EPHA3: variants seen among roughly 807,000 people sequenced by gnomAD.
EPHA3 encodes EPH receptor A3.
A neutral mutation model predicts 107.1 loss-of-function variants in EPHA3; 42 were observed. The observed-to-expected ratio is 0.39, with a 90% confidence interval of 0.31 to 0.51. The LOEUF is 0.51. Among genes scored for constraint, EPHA3 ranks in the 20% least tolerant of loss-of-function variants. EPHA3 has a pLI of 0.78. For missense variants in EPHA3, 1,183 were observed against 1,211.2 expected, an observed-to-expected ratio of 0.98 and a Z score of 0.35; for synonymous variants, 461 against 424.8, an observed-to-expected ratio of 1.09 and a Z score of -1.05.
intron 3 of EPHA3, among the ~76,000 whole-genome samples, chr3:89,282,274 G>A (rs898810090): frequency 1.3e-5 from 2 of 152,098 alleles, no homozygotes; most frequent in Non-Finnish European, 2.9e-5. Flanking sequence ...ACTGAGAAGT[G>A]ACATTTAAGC....
In EPHA3 at chr3:89,329,686, A is replaced by G. The variant is rs1707246855; in HGVS notation, c.815-11230A>G. 2.6e-5 allele frequency among the ~76,000 whole-genome samples: 4 copies of G among 152,140 alleles called. No homozygotes were observed. The South Asian group carries it at 8.3e-4, about 31-fold the overall frequency. ...TTATCTCTATATTTATAAATTAACC[A>G]TTTTAAAGAATGTAAACCTGTTATA... is the stretch of plus-strand genomic sequence containing the variant. On this transcript the variant is annotated intron_variant, in intron 3 of 16. Transcript: ENST00000336596.
At chr3:89,411,638 C>T (rs1203053024) in intron 9 of EPHA3, among the ~76,000 whole-genome samples, 1 of 151,852 alleles carries the variant, frequency 6.6e-6, no homozygotes, top group Non-Finnish European at 1.5e-5. Context: ...GAACATAAAT[C>T]GTAATGCATT....
At chr3:89,194,935 A>G (rs1243390130) in intron 2 of EPHA3, among the ~76,000 whole-genome samples, 1 of 152,114 alleles carries the variant, frequency 6.6e-6, no homozygotes, top group Non-Finnish European at 1.5e-5. Flanking sequence ...AATTTCGATA[A>G]TACAGTATTT....
At chr3:89,440,618 C>G (rs149709552) in intron 13 of EPHA3, among the ~76,000 whole-genome samples, 1 of 152,160 alleles carries the variant, frequency 6.6e-6, no homozygotes, top group Non-Finnish European at 1.5e-5. Flanking sequence ...CTAAATTCAT[C>G]GAGCTTAGGG....
intron 2 of EPHA3, among the ~76,000 whole-genome samples, chr3:89,173,967 A>C (rs1356223615): frequency 6.6e-6 from 1 of 152,034 alleles, no homozygotes; most frequent in Non-Finnish European, 1.5e-5. Context: ...TTTATTCCCA[A>C]ATCACACGTG....
At position 89,399,445 on chromosome 3, in the gene EPHA3, A is replaced by AC; in HGVS notation, c.1560dup (p.Ser521GlnfsTer5). 1 of 1,614,188 alleles carries AC rather than the reference A, an allele frequency of 6.2e-7. No homozygotes were observed. Among genetic ancestry groups the AC allele is most frequent in the Non-Finnish European group, 8.5e-7 (1 of 1,180,032 alleles). On this transcript the variant is annotated frameshift_variant, in exon 7 of 17. Transcript: ENST00000336596. LOFTEE classifies it high-confidence loss of function. ...CGAACAGCCGCTGGATATGGGACGAACAGCCGCAAGTTTGAGTTTGAAACT... is the reference window on the plus strand; with the variant it reads ...CGAACAGCCGCTGGATATGGGACGAACCAGCCGCAAGTTTGAGTTTGAAACT...
intron 13 of EPHA3, among the ~76,000 whole-genome samples, chr3:89,447,482 G>A (rs1246312740): frequency 6.6e-6 from 1 of 152,146 alleles, no homozygotes; most frequent in Non-Finnish European, 1.5e-5. Context: ...CCAAGGAGAA[G>A]TGCTCAGTTT....
intron 2 of EPHA3, among the ~76,000 whole-genome samples, chr3:89,197,449 T>TA (rs11414514): frequency 0.76 from 115,076 of 150,654 alleles, 44,254 homozygotes; most frequent in Middle Eastern, 0.88. Flanking sequence ...AATAAAAACA[T>TA]AAAAAAACTT....
At chr3:89,295,491 T>C (rs902226856) in intron 3 of EPHA3, among the ~76,000 whole-genome samples, 5 of 152,328 alleles carry the variant, frequency 3.3e-5, no homozygotes, top group South Asian at 2.1e-4. Context: ...TTCTCCACCA[T>C]AGAACTTCTT....
intron 5 of EPHA3, among the ~76,000 whole-genome samples, chr3:89,385,506 G>T (rs1197564944): frequency 6.6e-6 from 1 of 152,136 alleles, no homozygotes; most frequent in East Asian, 1.9e-4. Flanking sequence ...GGACATGTTT[G>T]CTTCAACTTC....
chr3:89,155,190 A>G (rs1704772410), intron 2 of EPHA3, among the ~76,000 whole-genome samples: 2 of 151,878 alleles, frequency 1.3e-5, no homozygotes, highest in African/African-American at 2.4e-5. Context: ...AATGAGAACT[A>G]TTCTAAAATA....
intron 3 of EPHA3, among the ~76,000 whole-genome samples, chr3:89,269,694 G>A (rs994767734): frequency 5.3e-5 from 8 of 150,164 alleles, no homozygotes; most frequent in East Asian, 2.0e-4. Context: ...ATGCTGGTGC[G>A]CTGCACCCAC....
At chr3:89,126,112 A>G (rs1242818354) in intron 1 of EPHA3, among the ~76,000 whole-genome samples, 1 of 151,692 alleles carries the variant, frequency 6.6e-6, no homozygotes, top group Admixed American at 6.6e-5. Flanking sequence ...ATGTATTTAC[A>G]TTATGTTTTG....
At chr3:89,188,078 C>A (rs1236988790) in intron 2 of EPHA3, among the ~76,000 whole-genome samples, 2 of 152,000 alleles carry the variant, frequency 1.3e-5, no homozygotes, top group African/African-American at 2.4e-5. Context: ...AACTAGTAGG[C>A]AGAATTTTGT....
At chr3:89,320,315 G>C (rs1235151743) in intron 3 of EPHA3, among the ~76,000 whole-genome samples, 1 of 151,942 alleles carries the variant, frequency 6.6e-6, no homozygotes, top group African/African-American at 2.4e-5. Context: ...AGCTGGGTCA[G>C]AATAGTGTTC....
At chr3:89,338,555 T>C (rs1463615253) in intron 3 of EPHA3, among the ~76,000 whole-genome samples, 2 of 152,236 alleles carry the variant, frequency 1.3e-5, no homozygotes, top group African/African-American at 4.8e-5. Context: ...TTTATTTATT[T>C]ATTTATTTGT....
chr3:89,226,354 T>C (rs1337138258), intron 3 of EPHA3, among the ~76,000 whole-genome samples: 2 of 152,164 alleles, frequency 1.3e-5, no homozygotes, highest in Non-Finnish European at 2.9e-5. Flanking sequence ...ACCTAACAAG[T>C]ACTTTATAAG....
intron 3 of EPHA3, among the ~76,000 whole-genome samples, chr3:89,268,445 T>G (rs1705587619): frequency 6.6e-6 from 1 of 152,100 alleles, no homozygotes; most frequent in Admixed American, 6.6e-5. Context: ...TTCTCAGAAA[T>G]TTAAAGGGAT....
intron 3 of EPHA3, among the ~76,000 whole-genome samples, chr3:89,304,485 C>T (rs1706564730): frequency 6.6e-6 from 1 of 151,786 alleles, no homozygotes. Context: ...CACACTAGAC[C>T]CCTTGATGTT....
Sources: gnomAD v4.1 joint callset for allele counts (sites outside exome capture counted in the v4.1 genomes callset) on GRCh38, gnomAD v4.1.1 for gene constraint, MANE v1.5 for transcripts, NCBI Gene and HGNC (gene_info 2026-07-23, HGNC 2026-07-21) for gene names.